The following GRIA4 variants were observed in gnomAD, a reference collection of about 807,000 sequenced individuals.
The protein encoded by GRIA4 is glutamate receptor 4.
In GRIA4, 34 loss-of-function variants were observed where a neutral mutation model predicts 104.0. That is an observed-to-expected ratio of 0.33 (90% CI 0.25 to 0.44). The LOEUF (loss-of-function observed/expected upper bound fraction) is 0.44, where lower values mean the gene tolerates loss of function less well. GRIA4 is among the 20% of genes least tolerant of loss of function. The probability of loss-of-function intolerance (pLI) is 1.00; values close to 1 mark genes in which losing one functional copy is unlikely to be tolerated. For missense variants in GRIA4, 750 were observed against 1,096.5 expected (o/e 0.68, Z 4.46); for synonymous variants, 386 against 381.9 (o/e 1.01, Z -0.13).
chr11:105,656,600 GA>G (rs1050040528), intron 3 of GRIA4, among the ~76,000 whole-genome samples: 5 of 151,970 alleles, frequency 3.3e-5, no homozygotes, highest in Admixed American at 6.6e-5. Flanking sequence ...TACAGAATGG[GA>G]AAAAAAATTT....
chr11:105,954,360 T>C lies in GRIA4; in HGVS notation c.2295-17554T>C, dbSNP rs11829004. Among the ~76,000 whole-genome samples the C allele has an allele frequency of 5.7e-3, 873 of 152,280 alleles. 10 individuals carry two copies. Among genetic ancestry groups the C allele is most frequent in the African/African-American group, 0.02 (844 of 41,554 alleles). ...GCTTGAATAAAACAATTCCATAAGG[T>C]ATTATATTACAAAATAACTGAAAGC... On this transcript the variant is annotated intron_variant, in intron 14 of 16. Transcript: ENST00000282499.
intron 3 of GRIA4, among the ~76,000 whole-genome samples, chr11:105,725,680 T>C (rs1177908536): frequency 6.6e-6 from 1 of 152,090 alleles, no homozygotes; most frequent in Non-Finnish European, 1.5e-5. Flanking sequence ...TTTCTGCATT[T>C]GCAACTGAGG....
chr11:105,841,656 A>C (rs1427508016), intron 4 of GRIA4, among the ~76,000 whole-genome samples: 1 of 152,032 alleles, frequency 6.6e-6, no homozygotes, highest in Non-Finnish European at 1.5e-5. Context: ...GGTTTTGTAC[A>C]TTTTCTTGTC....
At chr11:105,612,587 C>T (rs1314165686) in intron 3 of GRIA4, 153 bp downstream of exon 3, 2 of 547,460 alleles carry the variant, frequency 3.7e-6, no homozygotes, top group East Asian at 3.0e-5. Flanking sequence ...AACAAGACTT[C>T]GTTTCAGGGA....
At chr11:105,648,386 A>G (rs1951589616) in intron 3 of GRIA4, among the ~76,000 whole-genome samples, 1 of 151,416 alleles carries the variant, frequency 6.6e-6, no homozygotes, top group Non-Finnish European at 1.5e-5. Context: ...TTACACAATA[A>G]TAAATATTCT....
chr11:105,784,619 T>C (rs1941875172), intron 4 of GRIA4, among the ~76,000 whole-genome samples: 1 of 152,028 alleles, frequency 6.6e-6, no homozygotes. Context: ...ATGAATGGGC[T>C]TGGGCTCTTT....
At chr11:105,912,347 G>A (rs1947275552) in intron 10 of GRIA4, 2 of 974,642 alleles carry the variant, frequency 2.1e-6, no homozygotes, top group African/African-American at 1.8e-5. Flanking sequence ...GTGTTTTAAT[G>A]TGCATTATAG....
At chr11:105,839,564 C>G (rs1014020404) in intron 4 of GRIA4, among the ~76,000 whole-genome samples, 1 of 150,410 alleles carries the variant, frequency 6.6e-6, no homozygotes, top group Non-Finnish European at 1.5e-5. Flanking sequence ...TTATCAAAAT[C>G]TTTTATAAGC....
intron 3 of GRIA4, among the ~76,000 whole-genome samples, chr11:105,725,073 A>T (rs1938111794): frequency 6.6e-6 from 1 of 152,160 alleles, no homozygotes. Flanking sequence ...AATGAGGATA[A>T]TCAATACTTT....
intron 3 of GRIA4, among the ~76,000 whole-genome samples, chr11:105,633,579 A>C (rs1314772343): frequency 6.6e-6 from 1 of 152,206 alleles, no homozygotes; most frequent in East Asian, 1.9e-4. Context: ...AGAGACTATT[A>C]AAGAAAAACA....
Position 105,962,033 on chromosome 11 carries a change from A to C in GRIA4, c.2295-9881A>C, listed in dbSNP as rs374109479. Among the ~76,000 whole-genome samples the C allele has an allele frequency of 1.2e-4, 19 of 152,336 alleles. No individual in the cohort carries two copies. The East Asian group carries it at 3.1e-3, about 25-fold the overall frequency. Reference sequence around the variant, plus strand: ...AGAAGCTGTATCATCAGTCCTTTAGAACAATGTTCACAAATCCAGGAAATC... The same window carrying C: ...AGAAGCTGTATCATCAGTCCTTTAGCACAATGTTCACAAATCCAGGAAATC... On this transcript the variant is annotated intron_variant, in intron 14 of 16. Coordinates refer to ENST00000282499, the MANE Select transcript of GRIA4 (RefSeq NM_000829.4).
intron 4 of GRIA4, among the ~76,000 whole-genome samples, chr11:105,827,733 A>T (rs1049484317): frequency 3.9e-5 from 6 of 152,070 alleles, no homozygotes; most frequent in Non-Finnish European, 8.8e-5. Flanking sequence ...AAAGAACAGA[A>T]GAGAAATTAA....
intron 3 of GRIA4, among the ~76,000 whole-genome samples, chr11:105,648,016 G>T (rs1394345217): frequency 5.3e-5 from 8 of 151,622 alleles, no homozygotes; most frequent in African/African-American, 1.9e-4. Flanking sequence ...AATGATTATT[G>T]TTGAAAAATG....
chr11:105,812,802 C>A (rs117260814), intron 4 of GRIA4, among the ~76,000 whole-genome samples: 7 of 152,028 alleles, frequency 4.6e-5, no homozygotes, highest in Non-Finnish European at 7.4e-5. Flanking sequence ...TTGATTCTTA[C>A]TTAAAAGAAA....
chr11:105,623,797 T>C (rs1475517474), intron 3 of GRIA4, among the ~76,000 whole-genome samples: 1 of 152,058 alleles, frequency 6.6e-6, no homozygotes, highest in Non-Finnish European at 1.5e-5. Context: ...AACTATTATT[T>C]CCAAATATTT....
intron 13 of GRIA4, among the ~76,000 whole-genome samples, chr11:105,929,253 C>A (rs1947804259): frequency 6.6e-6 from 1 of 152,032 alleles, no homozygotes; most frequent in Non-Finnish European, 1.5e-5. Context: ...AAATCATTTT[C>A]TCATAGGAAC....
chr11:105,866,547 GTGTGTA>G (rs1034206376), intron 5 of GRIA4, among the ~76,000 whole-genome samples: 2 of 42,666 alleles, frequency 4.7e-5, no homozygotes, highest in Non-Finnish European at 9.8e-5. Flanking sequence ...GTGTGTGTGT[GTGTGTA>G]TATATATATA....
intron 14 of GRIA4, among the ~76,000 whole-genome samples, chr11:105,962,837 A>T (rs1948775583): frequency 6.6e-6 from 1 of 152,154 alleles, no homozygotes; most frequent in African/African-American, 2.4e-5. Flanking sequence ...AATTCATTTC[A>T]ACTGACTTTG....
At chr11:105,711,941 T>C (rs1953926900) in intron 3 of GRIA4, among the ~76,000 whole-genome samples, 1 of 152,152 alleles carries the variant, frequency 6.6e-6, no homozygotes, top group African/African-American at 2.4e-5. Context: ...TTTGTGAGAA[T>C]TAAATGTAAA....
Sources: allele counts gnomAD v4.1 joint callset (sites outside exome capture counted in the v4.1 genomes callset), GRCh38; gene constraint gnomAD v4.1.1; transcripts MANE v1.5; gene names NCBI Gene and HGNC (gene_info 2026-07-23, HGNC 2026-07-21).